NBAS: variants seen among roughly 807,000 people sequenced by gnomAD.
NBAS encodes the protein NBAS subunit of NRZ tethering complex, also known as NAG/BC035112 fusion.
NBAS carries 219 observed loss-of-function variants against 302.5 expected under a neutral mutation model. The observed-to-expected ratio is 0.72, with a 90% CI of 0.65 to 0.81. The LOEUF (loss-of-function observed/expected upper bound fraction) is 0.81. NBAS is among the 30% of genes least tolerant of loss of function. The pLI, the probability that NBAS is intolerant of heterozygous loss-of-function variation, is 0.00. For missense variants in NBAS, 2,932 were observed against 2,841.6 expected, an observed-to-expected ratio of 1.03 and a Z score of -0.72; for synonymous variants, 1,118 against 1,021.6, an observed-to-expected ratio of 1.09 and a Z score of -1.80.
chr2:15,508,471 C>T (rs1254129846), intron 10 of NBAS, among the ~76,000 whole-genome samples: 2 of 152,192 alleles, frequency 1.3e-5, no homozygotes, highest in Admixed American at 6.5e-5. Context: ...CACTTACCCA[C>T]GTTCTCTCCT....
intron 12 of NBAS, among the ~76,000 whole-genome samples, chr2:15,487,637 C>G (rs1158065994): frequency 1.3e-5 from 2 of 152,206 alleles, no homozygotes; most frequent in African/African-American, 4.8e-5. Flanking sequence ...TCAGTCAGCT[C>G]TTGAACAGCC....
chr2:14,919,468 C>A, the NBAS span, among the ~76,000 whole-genome samples: 1 of 152,110 alleles, frequency 6.6e-6, no homozygotes, highest in Non-Finnish European at 1.5e-5. Context: ...ATGACTGGGG[C>A]AATTTCTGAA....
chr2:15,435,348 G>A (rs951203604), intron 21 of NBAS, among the ~76,000 whole-genome samples: 1 of 152,140 alleles, frequency 6.6e-6, no homozygotes, highest in African/African-American at 2.4e-5. Context: ...CCTCTAAACT[G>A]TGCTGAATGG....
chr2:15,285,079 A>T (rs1669978577), intron 42 of NBAS, among the ~76,000 whole-genome samples: 1 of 152,212 alleles, frequency 6.6e-6, no homozygotes, highest in Non-Finnish European at 1.5e-5. Flanking sequence ...GGATATTTTT[A>T]AATGCCAGTG....
intron 9 of NBAS, among the ~76,000 whole-genome samples, chr2:15,526,078 C>A (rs1435587142): frequency 6.6e-6 from 1 of 151,728 alleles, no homozygotes; most frequent in Non-Finnish European, 1.5e-5. Context: ...ATCTTCTCAG[C>A]CAGAATTAGG....
At chr2:14,840,127 A>G in the NBAS span, among the ~76,000 whole-genome samples, 2 of 152,052 alleles carry the variant, frequency 1.3e-5, no homozygotes, top group Non-Finnish European at 2.9e-5. Flanking sequence ...GAACTAAGAA[A>G]TGCATTTGCC....
Position 15,427,778 on chromosome 2 carries a change from G to A in NBAS, c.2356C>T (p.Leu786=), listed in dbSNP as rs763955825. The change falls in exon 22 of 52, where the codon CTG becomes TTG. Residue 786 remains leucine, a synonymous_variant. Transcript: ENST00000281513. ...LPEACFNGDS[L]MIIPWHEHKH... ...TGTTCATGCCAAGGAATGATCATCA[G>A]GGAGTCACCGTTAAAACTCAAATTT... 4 of 1,612,806 alleles carry A rather than the reference G, an allele frequency of 2.5e-6. No homozygotes were observed. In the Admixed American group the frequency reaches 5.0e-5, roughly 20 times the overall value.
At chr2:14,843,268 T>A in the NBAS span, among the ~76,000 whole-genome samples, 2 of 152,178 alleles carry the variant, frequency 1.3e-5, no homozygotes, top group African/African-American at 4.8e-5. Context: ...AAGACAAGGA[T>A]GCCCATTTTC....
chr2:15,508,453 A>T (rs1413627408), intron 10 of NBAS, among the ~76,000 whole-genome samples: 1 of 152,160 alleles, frequency 6.6e-6, no homozygotes, highest in Non-Finnish European at 1.5e-5. Flanking sequence ...ACCAAAAGGG[A>T]CTTTCACCAC....
intron 11 of NBAS, among the ~76,000 whole-genome samples, chr2:15,501,584 A>ATTTTTTTTTTT (rs70961416): frequency 9.3e-6 from 1 of 107,228 alleles, no homozygotes; most frequent in Non-Finnish European, 1.8e-5. Context: ...TGAACTAAAT[A>ATTTTTTTTTTT]TTTTTTTTTT....
intron 51 of NBAS, among the ~76,000 whole-genome samples, chr2:15,170,419 C>T (rs748170198): frequency 9.2e-5 from 14 of 152,308 alleles, no homozygotes; most frequent in South Asian, 4.1e-4. Context: ...GCTAAAGACA[C>T]GGAAATGAAA....
rs184922620 is a variant in NBAS, at chr2:15,247,684, A to C, written c.5725-8998T>G. ...AGCTACTCTCTCTCTCTCTCTCTATATATATATCTATATATCTCTCTATAT... is the reference window on the plus strand; with the variant it reads ...AGCTACTCTCTCTCTCTCTCTCTATCTATATATCTATATATCTCTCTATAT... On this transcript the variant is annotated intron_variant, in intron 44 of 51. Transcript: ENST00000281513. 7.2e-4 allele frequency among the ~76,000 whole-genome samples: 109 copies of C among 150,566 alleles called. 1 individual carries two copies. Among genetic ancestry groups the C allele is most frequent in the Middle Eastern group, 3.5e-3 (1 of 282 alleles).
chr2:15,047,800 C>A, the NBAS span, among the ~76,000 whole-genome samples: 2 of 152,246 alleles, frequency 1.3e-5, no homozygotes, highest in African/African-American at 2.4e-5. Flanking sequence ...AGCAAGCAGA[C>A]CTAGATTACC....
chr2:15,293,638 T>A (rs79713890), intron 40 of NBAS, among the ~76,000 whole-genome samples: 3,694 of 128,822 alleles, frequency 0.029, 110 homozygotes, highest in African/African-American at 0.087. Context: ...ATATTTAATA[T>A]AAGCAAATTA....
At chr2:14,817,413 C>T in the NBAS span, among the ~76,000 whole-genome samples, 1 of 151,976 alleles carries the variant, frequency 6.6e-6, no homozygotes, top group African/African-American at 2.4e-5. Flanking sequence ...GACAATATTG[C>T]ATGTGTCTGT....
chr2:15,331,362 C>T (rs79028933), intron 35 of NBAS, among the ~76,000 whole-genome samples: 1,838 of 152,226 alleles, frequency 0.012, 55 homozygotes, highest in East Asian at 0.11. Flanking sequence ...AGAGATTCCA[C>T]GAGGAGAAAA....
At chr2:14,943,051 C>G in the NBAS span, among the ~76,000 whole-genome samples, 1 of 152,196 alleles carries the variant, frequency 6.6e-6, no homozygotes, top group Non-Finnish European at 1.5e-5. Flanking sequence ...AGCATGTTCT[C>G]TCTTTCCTCA....
chr2:14,858,113 T>A, the NBAS span, among the ~76,000 whole-genome samples: 2 of 152,066 alleles, frequency 1.3e-5, no homozygotes, highest in Non-Finnish European at 2.9e-5. Context: ...AAAACAACAA[T>A]GAGATGTCAT....
At chr2:15,041,956 G>A in the NBAS span, among the ~76,000 whole-genome samples, 18 of 152,298 alleles carry the variant, frequency 1.2e-4, no homozygotes, top group Admixed American at 6.5e-5. Context: ...AGCAGACTTC[G>A]TCTTAGCGAG....
Sources: gnomAD v4.1 joint callset for allele counts (sites outside exome capture counted in the v4.1 genomes callset) on GRCh38, gnomAD v4.1.1 for gene constraint, MANE v1.5 for transcripts, NCBI Gene and HGNC (gene_info 2026-07-23, HGNC 2026-07-21) for gene names.